Variants in PTPRQ observed in about 807,000 individuals in gnomAD.
The protein encoded by PTPRQ is phosphatidylinositol phosphatase PTPRQ.
In PTPRQ, 199 loss-of-function variants were observed where a neutral mutation model predicts 246.0. The ratio of observed to expected loss-of-function variants is 0.81; its 90% CI spans 0.72 to 0.91. The LOEUF (loss-of-function observed/expected upper bound fraction) is 0.91. Among genes scored for constraint, PTPRQ ranks in the 40% least tolerant of loss-of-function variants. The pLI is 0.00. For synonymous variants in PTPRQ, 869 were observed against 853.2 expected (o/e 1.02, Z -0.32); for missense variants, 2,624 against 2,528.4 (o/e 1.04, Z -0.81).
chr12:80,570,753 A>T (rs1001164379), intron 25 of PTPRQ, among the ~76,000 whole-genome samples: 1 of 152,072 alleles, frequency 6.6e-6, no homozygotes, highest in Non-Finnish European at 1.5e-5. Context: ...TCTTGAGTTA[A>T]TTTTTGTATA....
At chr12:80,601,909 T>A (rs1315241888) in intron 26 of PTPRQ, among the ~76,000 whole-genome samples, 1 of 151,818 alleles carries the variant, frequency 6.6e-6, no homozygotes, top group African/African-American at 2.4e-5. Context: ...GTAAAAAGAA[T>A]GAAAATGTCT....
At chr12:80,496,632 C>A in intron 14 of PTPRQ, 101 bp downstream of exon 14, 1 of 1,354,524 alleles carries the variant, frequency 7.4e-7, no homozygotes, top group Non-Finnish European at 9.8e-7. Flanking sequence ...CCTAAAATCC[C>A]TCATTATTTT....
At chr12:80,548,165 A>T (rs1289764476) in intron 24 of PTPRQ, among the ~76,000 whole-genome samples, 1 of 152,134 alleles carries the variant, frequency 6.6e-6, no homozygotes, top group African/African-American at 2.4e-5. Context: ...GTAAGATAAA[A>T]TTGTACCCCA....
Position 80,581,741 on chromosome 12 carries a change from G to T in PTPRQ, c.4286-6388G>T, listed in dbSNP as rs147525283. ...TATCTTCATCAAGGATCACAAAAAG[G>T]TTATATTAAAGGCTTAAATAAATAA... On this transcript the variant is annotated intron_variant, in intron 25 of 44. Transcript: ENST00000644991. Among the ~76,000 whole-genome samples the T allele has an allele frequency of 1.7e-4, 26 of 152,006 alleles. No homozygotes were observed. The South Asian group carries it at 3.5e-3, about 21-fold the overall frequency.
chr12:80,479,170 C>A (rs1441244822), intron 8 of PTPRQ, among the ~76,000 whole-genome samples: 1 of 151,680 alleles, frequency 6.6e-6, no homozygotes, highest in African/African-American at 2.4e-5. Context: ...AGACTAACAG[C>A]AGATCTCTCG....
intron 17 of PTPRQ, among the ~76,000 whole-genome samples, chr12:80,531,071 A>T (rs1169313081): frequency 2.0e-5 from 3 of 151,978 alleles, no homozygotes; most frequent in Admixed American, 2.0e-4. Context: ...AGGAATCACA[A>T]TTTAATATGT....
At chr12:80,449,484 A>T (rs1461697834) in intron 3 of PTPRQ, among the ~76,000 whole-genome samples, 1 of 152,000 alleles carries the variant, frequency 6.6e-6, no homozygotes, top group Middle Eastern at 3.4e-3. Context: ...GCCTAGGTTT[A>T]CTTCTAGGGT....
intron 3 of PTPRQ, among the ~76,000 whole-genome samples, chr12:80,450,998 C>T (rs907956335): frequency 6.6e-6 from 1 of 152,176 alleles, no homozygotes; most frequent in South Asian, 2.1e-4. Context: ...GCTGTGAATC[C>T]GTCTGGTCCT....
intron 2 of PTPRQ, 103 bp downstream of exon 2, chr12:80,444,952 G>A: frequency 7.6e-7 from 1 of 1,319,556 alleles, no homozygotes; most frequent in Non-Finnish European, 9.9e-7. Context: ...TTAAATTCAT[G>A]AAAACAGTGT....
At position 80,534,899 on chromosome 12, in the gene PTPRQ, C is replaced by T. The variant is rs777680240; in HGVS notation, c.2847C>T (p.Ser949=). The change falls in exon 19 of 45, where the codon AGC becomes AGT. Residue 949 remains serine (S), a synonymous_variant. Coordinates refer to ENST00000644991, the MANE Select transcript of PTPRQ (RefSeq NM_001145026.2). The part of the protein sequence containing the change: ...ISFQTPEGAP[S]DPPKDVYYAN... ...CAATTATTTGTTTTATAGCACCAAGCGATCCTCCCAAAGATGTTTATTATG... is the reference window on the plus strand; with the variant it reads ...CAATTATTTGTTTTATAGCACCAAGTGATCCTCCCAAAGATGTTTATTATG... The T allele has an allele frequency of 3.9e-5, 61 of 1,547,290 alleles. No individual in the cohort carries two copies. Among genetic ancestry groups the T allele is most frequent in the Middle Eastern group, 1.7e-4 (1 of 5,998 alleles).
At chr12:80,665,996 A>G (rs545544040) in intron 39 of PTPRQ, among the ~76,000 whole-genome samples, 2 of 152,106 alleles carry the variant, frequency 1.3e-5, no homozygotes, top group South Asian at 4.1e-4. Context: ...ACTATTATAC[A>G]CTATTTAGTT....
Position 80,587,614 on chromosome 12 carries a change from TA to T in PTPRQ, c.4286-506del, listed in dbSNP as rs567366214. On this transcript the variant is annotated intron_variant, in intron 25 of 44. Transcript: ENST00000644991. ...AATTCTAAATATACATGAGATAAAA[TA>T]AAAAAAAATAGATGAATTATATACA... Among the ~76,000 whole-genome samples the T allele has an allele frequency of 4.3e-3, 645 of 151,186 alleles. 6 individuals carry two copies. Among genetic ancestry groups the T allele is most frequent in the African/African-American group, 0.013 (553 of 41,260 alleles).
At chr12:80,673,496 A>T (rs1901038755) in intron 43 of PTPRQ, among the ~76,000 whole-genome samples, 192 bp downstream of exon 43, 1 of 152,080 alleles carries the variant, frequency 6.6e-6, no homozygotes, top group African/African-American at 2.4e-5. Context: ...CACATGCCAT[A>T]GTCACCCTGC....
Position 80,669,067 on chromosome 12 carries a change from G to T in PTPRQ, c.6253G>T (p.Asp2085Tyr). The change falls in exon 40 of 45, where the codon GAT (aspartate) becomes TAT (tyrosine). Residue 2085 changes from aspartate to tyrosine, a missense_variant. Physicochemically the swap from Asp to Tyr is radical, Grantham distance 160. Transcript: ENST00000644991. ...AGGTCCACTACCAGGAACAGTTGGA[G>T]ATTTTTGGAGAATGGTGTGGGAAAC... is the stretch of plus-strand genomic sequence containing the variant. ...TQGPLPGTVGDFWRMVWETRA... is the reference protein window; with the variant it reads ...TQGPLPGTVGYFWRMVWETRA... 2.6e-6 allele frequency: 4 copies of T among 1,550,632 alleles called. No homozygotes were observed. Among genetic ancestry groups the T allele is most frequent in the Non-Finnish European group, 3.5e-6 (4 of 1,146,104 alleles).
intron 8 of PTPRQ, among the ~76,000 whole-genome samples, chr12:80,481,765 C>G (rs1402425639): frequency 6.6e-6 from 1 of 152,036 alleles, no homozygotes; most frequent in South Asian, 2.1e-4. Context: ...TGAGTGAACT[C>G]CCATTCACAG....
chr12:80,549,536 C>A lies in PTPRQ; in HGVS notation c.4087C>A (p.Pro1363Thr), dbSNP rs778685453. The A allele has an allele frequency of 3.2e-6, 5 of 1,550,926 alleles. No individual in the cohort carries two copies. The South Asian group carries it at 4.8e-5, about 15-fold the overall frequency. ...GTCAGTTTTAGTGAAATGGGATCCA[C>A]CCAAAAAGGCAAATGGAATAATAAC... ...WQSVLVKWDP[P>T]KKANGIITQY... is the part of the protein sequence containing the mutation. Residue 1363 changes from proline to threonine, a missense_variant, in exon 25 of 45, where the codon CCC becomes ACC. Transcript: ENST00000644991.
Position 80,496,079 on chromosome 12 carries a change from G to A in PTPRQ, c.1963G>A (p.Asp655Asn), listed in dbSNP as rs1364670499. 6.5e-7 allele frequency: 1 copy of A among 1,548,924 alleles called. No homozygotes were observed. Among genetic ancestry groups the A allele is most frequent in the South Asian group, 1.2e-5 (1 of 83,396 alleles). ...AGAAAGTTCTTTGTCTGAAGAAAAT[G>A]ACATCTTTGTGAGAACTTCAGAAGA... Reference protein sequence around the residue: ...VGESSLSEENDIFVRTSEDEP... With the variant: ...VGESSLSEENNIFVRTSEDEP... Residue 655 changes from aspartate to asparagine, a missense_variant, in exon 13 of 45, where the codon GAC (aspartate) becomes AAC (asparagine). By Grantham distance (23) the Asp-to-Asn change is conservative. Transcript: ENST00000644991.
intron 9 of PTPRQ, among the ~76,000 whole-genome samples, chr12:80,485,662 C>T (rs1245713965): frequency 1.3e-5 from 2 of 152,092 alleles, no homozygotes; most frequent in Non-Finnish European, 2.9e-5. Context: ...GATTCCTTTC[C>T]TCTGTGCAAA....
At chr12:80,625,340 A>G (rs185369054) in intron 33 of PTPRQ, among the ~76,000 whole-genome samples, 1 of 131,218 alleles carries the variant, frequency 7.6e-6, no homozygotes, top group African/African-American at 3.1e-5. Flanking sequence ...ATCCCAGACT[A>G]CAGAGAGAAG....
Sources: allele counts gnomAD v4.1 joint callset (sites outside exome capture counted in the v4.1 genomes callset), GRCh38; gene constraint gnomAD v4.1.1; transcripts MANE v1.5; gene names NCBI Gene and HGNC (gene_info 2026-07-23, HGNC 2026-07-21).